TTC38: variants seen among roughly 807,000 people sequenced by gnomAD.
TTC38 encodes tetratricopeptide repeat domain 38.
TTC38 carries 64 observed loss-of-function variants against 64.2 expected under a neutral mutation model. The ratio of observed to expected loss-of-function variants is 1.00; its 90% CI spans 0.81 to 1.23. The LOEUF is 1.23. Ranked by LOEUF, TTC38 falls within the 50% of genes most tolerant of loss-of-function variation. The pLI is 0.00. For synonymous variants in TTC38, 254 were observed against 249.3 expected (o/e 1.02, Z -0.18); for missense variants, 573 against 615.5 (o/e 0.93, Z 0.73).
Position 46,268,035 on chromosome 22 carries a change from G to C in TTC38, c.-5G>C. 1 of 1,539,330 alleles carries C rather than the reference G, an allele frequency of 6.5e-7. No homozygotes were observed. The highest frequency in any genetic ancestry group is 2.0e-4 in the Middle Eastern group (1 of 5,116). On this transcript the variant is annotated 5_prime_UTR_variant, in exon 1 of 14. Coordinates refer to ENST00000381031, the MANE Select transcript of TTC38 (RefSeq NM_017931.4). Reference sequence around the variant, plus strand: ...AGCTCGCGGTGGACTCCGACCCGGCGCAACATGGCCGCAGCCTCGCCTCTG... The same window carrying C: ...AGCTCGCGGTGGACTCCGACCCGGCCCAACATGGCCGCAGCCTCGCCTCTG...
In TTC38 at chr22:46,291,593, G is replaced by A. The variant is rs945456983; in HGVS notation, c.1317-1198G>A. 4.6e-5 allele frequency among the ~76,000 whole-genome samples: 7 copies of A among 152,126 alleles called. No homozygotes were observed. The highest frequency in any genetic ancestry group is 1.3e-4 in the Admixed American group (2 of 15,274). On this transcript the variant is annotated intron_variant, in intron 13 of 13. Transcript: ENST00000381031. The surrounding 1 kb of genome is among the most constrained non-coding windows in gnomAD (Gnocchi z 4.6). ...GCCCCAGCCCCTTCACACCACCCAC[G>A]CCCTCTAGAACCACTGTTTTCAGGT...
At chr22:46,284,856 G>C (rs2077559778) in intron 8 of TTC38, among the ~76,000 whole-genome samples, 2 of 116,394 alleles carry the variant, frequency 1.7e-5, no homozygotes, top group South Asian at 6.7e-4. Flanking sequence ...GTGACAGAGT[G>C]AGACCCCATC....
chr22:46,281,722 T>A lies in TTC38; in HGVS notation c.735+4T>A. ...GCACTCAGAGACCTTCTGGAAGGTA[T>A]GATGCTTGTCAATGGGTCACCTCCC... On this transcript the variant is annotated splice_donor_region_variant and intron_variant, in intron 7 of 13. Transcript: ENST00000381031. The surrounding 1 kb of genome is among the most constrained non-coding windows in gnomAD (Gnocchi z 5.2). 4 of 1,613,740 alleles carry A rather than the reference T, an allele frequency of 2.5e-6. No homozygotes were observed. Among genetic ancestry groups the A allele is most frequent in the Non-Finnish European group, 3.4e-6 (4 of 1,180,020 alleles).
rs1457578021 is a variant in TTC38, at chr22:46,272,624, G to A, written c.193+208G>A. 6.6e-6 allele frequency among the ~76,000 whole-genome samples: 1 copy of A among 152,112 alleles called. No homozygotes were observed. Among genetic ancestry groups the A allele is most frequent in the Non-Finnish European group, 1.5e-5 (1 of 68,026 alleles). ...ATAAAGATGCCAGGTTCTATCAGAAGGCATTTTTCTCATCTTTTCTTTAAT... is the reference window on the plus strand; with the variant it reads ...ATAAAGATGCCAGGTTCTATCAGAAAGCATTTTTCTCATCTTTTCTTTAAT... On this transcript the variant is annotated intron_variant, in intron 3 of 13. Transcript: ENST00000381031. The surrounding 1 kb of genome is among the most constrained non-coding windows in gnomAD (Gnocchi z 6.4).
At chr22:46,289,273 C>A in intron 11 of TTC38, 129 bp from the exon 12 acceptor site, 1 of 1,213,072 alleles carries the variant, frequency 8.2e-7, no homozygotes, top group Non-Finnish European at 1.1e-6. Context: ...CCGCCTGTCA[C>A]CTCACCTCAT....
Position 46,275,184 on chromosome 22 carries a change from T to C in TTC38, c.366-64T>C. ...TGACACTGGTGAGAAACAATGCCTCTTACACTCCCTGTGTGGGTGGACTAT... is the reference window on the plus strand; with the variant it reads ...TGACACTGGTGAGAAACAATGCCTCCTACACTCCCTGTGTGGGTGGACTAT... On this transcript the variant is annotated intron_variant, in intron 4 of 13. Transcript: ENST00000381031. The surrounding 1 kb of genome is among the most constrained non-coding windows in gnomAD (Gnocchi z 4.5). 1 of 1,488,782 alleles carries C rather than the reference T, an allele frequency of 6.7e-7. No homozygotes were observed. The highest frequency in any genetic ancestry group is 9.2e-7 in the Non-Finnish European group (1 of 1,085,918). 92.2% of individuals were successfully genotyped at this position (1,488,782 alleles called of 1,614,324 possible).
Position 46,288,496 on chromosome 22 carries a change from G to A in TTC38, c.990G>A (p.Leu330=). 6.2e-7 allele frequency: 1 copy of A among 1,614,058 alleles called. No individual in the cohort carries two copies. The highest frequency in any genetic ancestry group is 1.1e-5 in the South Asian group (1 of 91,086). ...ARKHSRDHIL[L]FNDAHFLMAS... The stretch of plus-strand genomic sequence containing the variant: ...AGCACAGCCGAGACCACATCCTGCT[G>A]TTCAATGACGCACACTTCCTGATGG... Residue 330 remains leucine (L), a synonymous_variant, in exon 11 of 14, where the codon CTG becomes CTA. Coordinates refer to ENST00000381031, the MANE Select transcript of TTC38 (RefSeq NM_017931.4).
In TTC38 at chr22:46,288,500, A is replaced by G. The variant is rs1451707410; in HGVS notation, c.994A>G (p.Asn332Asp). ...CAGCCGAGACCACATCCTGCTGTTC[A>G]ATGACGCACACTTCCTGATGGCATC... The part of the protein sequence containing the change: ...KHSRDHILLF[N>D]DAHFLMASLG... Residue 332 changes from asparagine (N) to aspartate (D), a missense_variant, in exon 11 of 14, where the codon AAT (asparagine) becomes GAT (aspartate). Asn to Asp is a conservative substitution (Grantham distance 23). Coordinates refer to ENST00000381031, the MANE Select transcript of TTC38 (RefSeq NM_017931.4). The G allele has an allele frequency of 1.2e-6, 2 of 1,613,834 alleles. No homozygotes were observed. The highest frequency in any genetic ancestry group is 1.7e-6 in the Non-Finnish European group (2 of 1,179,920).
Position 46,293,031 on chromosome 22 carries a change from G to A in TTC38, c.*147G>A, listed in dbSNP as rs899706324. On this transcript the variant is annotated 3_prime_UTR_variant, in exon 14 of 14. Transcript: ENST00000381031. The surrounding 1 kb of genome is among the most constrained non-coding windows in gnomAD (Gnocchi z 6.6). Reference sequence around the variant, plus strand: ...TGATCTTCAGTTTTACAGGAAGTGGGTCACGGGTTAATTTTAAATGTGATT... The same window carrying A: ...TGATCTTCAGTTTTACAGGAAGTGGATCACGGGTTAATTTTAAATGTGATT... 1 of 608,614 alleles carries A rather than the reference G, an allele frequency of 1.6e-6. No homozygotes were observed. The highest frequency in any genetic ancestry group is 1.8e-5 in the African/African-American group (1 of 54,616). 37.7% of individuals were successfully genotyped at this position (608,614 alleles called of 1,614,324 possible).
At chr22:46,287,868 A>G (rs2077582784) in intron 10 of TTC38, among the ~76,000 whole-genome samples, 1 of 152,252 alleles carries the variant, frequency 6.6e-6, no homozygotes, top group Non-Finnish European at 1.5e-5. Context: ...GACAAGGGAA[A>G]GAGTTACTCT....
chr22:46,277,295 C>T (rs2070928450), intron 5 of TTC38, among the ~76,000 whole-genome samples: 1 of 151,964 alleles, frequency 6.6e-6, no homozygotes, highest in Admixed American at 6.6e-5. Flanking sequence ...TACTCGGGTG[C>T]GCAGTTGCAG....
chr22:46,277,787 A>G (rs766299706), intron 5 of TTC38, among the ~76,000 whole-genome samples: 2 of 152,160 alleles, frequency 1.3e-5, no homozygotes, highest in Non-Finnish European at 2.9e-5. Context: ...CAGGCCGGGC[A>G]GGGGACTGTG....
rs984993418 is a variant in TTC38, at chr22:46,276,402, C to T, written c.539+981C>T. On this transcript the variant is annotated intron_variant, in intron 5 of 13. Transcript: ENST00000381031. The surrounding 1 kb of genome is among the most constrained non-coding windows in gnomAD (Gnocchi z 4.7). ...CAAATCGCATCTAGAAATACCTTCA[C>T]GAGACTGGGCACAGTGGCTTATGCC... Among the ~76,000 whole-genome samples, 1 of 152,086 alleles carries T rather than the reference C, an allele frequency of 6.6e-6. No individual in the cohort carries two copies. The highest frequency in any genetic ancestry group is 1.5e-5 in the Non-Finnish European group (1 of 68,012).
Position 46,276,824 on chromosome 22 carries a change from A to AATATATATATATTAAATATAT in TTC38, c.539+1415_539+1416insTAAATATATATATATATATAT, listed in dbSNP as rs1555886902. The stretch of plus-strand genomic sequence containing the variant: ...ATTATATATTAAAATATATATATTA[A>AATATATATATATTAAATATAT]ATATATATATATATATAAACATATA... On this transcript the variant is annotated intron_variant, in intron 5 of 13. Transcript: ENST00000381031. This position sits in a 1 kb window ranked among gnomAD's most constrained non-coding sequence, Gnocchi z 4.7. 2.1e-4 allele frequency among the ~76,000 whole-genome samples: 30 copies of AATATATATATATTAAATATAT among 139,556 alleles called. 1 individual carries two copies. The highest frequency in any genetic ancestry group is 8.3e-4 in the African/African-American group (30 of 36,132). 91.6% of individuals were successfully genotyped at this position (139,556 alleles called of 152,430 possible).
intron 7 of TTC38, among the ~76,000 whole-genome samples, chr22:46,283,665 A>G (rs1341257728): frequency 6.6e-6 from 1 of 152,048 alleles, no homozygotes; most frequent in Non-Finnish European, 1.5e-5. Context: ...CACCCTGGCC[A>G]ACATGGTGAA....
Position 46,289,891 on chromosome 22 carries a change from C to G in TTC38, c.1308C>G (p.Asn436Lys). 6.2e-7 allele frequency: 1 copy of G among 1,614,068 alleles called. No individual in the cohort carries two copies. Among genetic ancestry groups the G allele is most frequent in the Non-Finnish European group, 8.5e-7 (1 of 1,179,956 alleles). Residue 436 changes from asparagine (N) to lysine (K), a missense_variant, in exon 13 of 14, where the codon AAC becomes AAG. Transcript: ENST00000381031. ...ALNCTSSVHK[N>K]VARSLLMERD... ...ACTGCACCTCCAGCGTCCATAAGAACGTAGCCCGGTGAGCTCCTGGCCCCT... is the reference window on the plus strand; with the variant it reads ...ACTGCACCTCCAGCGTCCATAAGAAGGTAGCCCGGTGAGCTCCTGGCCCCT...
At position 46,281,549 on chromosome 22, in the gene TTC38, G is replaced by C. The variant is rs749715228; in HGVS notation, c.616-50G>C. ...AGACCTGCCGTCGCCTGCCCCGGCA[G>C]CCTGACTGATCTGCTTTATCTGGAA... is the stretch of plus-strand genomic sequence containing the variant. On this transcript the variant is annotated intron_variant, in intron 6 of 13. Transcript: ENST00000381031. The surrounding 1 kb of genome is among the most constrained non-coding windows in gnomAD (Gnocchi z 5.2). 6.3e-7 allele frequency: 1 copy of C among 1,597,176 alleles called. No individual in the cohort carries two copies. Among genetic ancestry groups the C allele is most frequent in the African/African-American group, 1.3e-5 (1 of 74,418 alleles).
At chr22:46,277,046 TACACACACACACAC>T (rs4044315) in intron 5 of TTC38, among the ~76,000 whole-genome samples, 9 of 131,272 alleles carry the variant, frequency 6.9e-5, no homozygotes, top group East Asian at 6.3e-4. Flanking sequence ...TATATATACA[TACACACACACACAC>T]ACACACACAC....
chr22:46,272,359 A>G lies in TTC38; in HGVS notation c.136A>G (p.Ser46Gly). Residue 46 changes from serine to glycine, a missense_variant, in exon 3 of 14, where the codon AGT (serine) becomes GGT (glycine). Around this residue, in one of 3 missense-constraint regions of TTC38, gnomAD observed 134 missense variants for 126.5 expected, o/e 1.06. Transcript: ENST00000381031. The surrounding 1 kb of genome is among the most constrained non-coding windows in gnomAD (Gnocchi z 6.4). ...TQYVKWTNDK[S>G]LGGIEGCLSK... is the part of the protein sequence containing the mutation. ...GTATGTAAAATGGACCAATGACAAG[A>G]GTCTCGGTGGCATCGAGGGCTGCCT... 1 of 1,613,880 alleles carries G rather than the reference A, an allele frequency of 6.2e-7. No individual in the cohort carries two copies. The highest frequency in any genetic ancestry group is 8.5e-7 in the Non-Finnish European group (1 of 1,179,928).
Sources: gnomAD v4.1 joint callset for allele counts (sites outside exome capture counted in the v4.1 genomes callset) on GRCh38, gnomAD v4.1.1 for gene constraint, gnomAD v4.1.1 regional missense constraint, Gnocchi (gnomAD v3.1) non-coding constraint, MANE v1.5 for transcripts, NCBI Gene and HGNC (gene_info 2026-07-23, HGNC 2026-07-21) for gene names.